The following UGT8 variants were observed in gnomAD, a reference collection of about 807,000 sequenced individuals.
UGT8 encodes the protein UDP glycosyltransferase 8.
A neutral mutation model predicts 40.5 loss-of-function variants in UGT8; 12 were observed. The observed-to-expected ratio is 0.30, with a 90% confidence interval of 0.19 to 0.48. The LOEUF (loss-of-function observed/expected upper bound fraction) is 0.48, where lower values mean the gene tolerates loss of function less well. Among genes scored for constraint, UGT8 ranks in the 20% least tolerant of loss-of-function variants. The probability of loss-of-function intolerance (pLI) is 0.99; values close to 1 mark genes in which losing one functional copy is unlikely to be tolerated. For missense variants in UGT8, 513 were observed against 648.7 expected (o/e 0.79, Z 2.27); for synonymous variants, 224 against 240.4 (o/e 0.93, Z 0.63).
At chr4:114,622,526 A>G (rs1027491109) in intron 1 of UGT8, 1 of 196,182 alleles carries the variant, frequency 5.1e-6, no homozygotes, top group Non-Finnish European at 1.0e-5. Context: ...GACTTGCACA[A>G]TGGTTGAACT....
At chr4:114,632,932 C>T (rs191109277) in intron 2 of UGT8, among the ~76,000 whole-genome samples, 1 of 152,280 alleles carries the variant, frequency 6.6e-6, no homozygotes, top group Admixed American at 6.5e-5. Flanking sequence ...CAGTGAAAAG[C>T]AACTTAATTG....
chr4:114,627,228 G>A lies in UGT8; in HGVS notation c.822+3526G>A, dbSNP rs1034391280. Among the ~76,000 whole-genome samples the A allele has an allele frequency of 2.9e-4, 43 of 150,148 alleles. 1 individual carries two copies. Among genetic ancestry groups the A allele is most frequent in the African/African-American group, 1.0e-3 (41 of 40,900 alleles). On this transcript the variant is annotated intron_variant, in intron 2 of 5. Coordinates refer to ENST00000310836, the MANE Select transcript of UGT8 (RefSeq NM_001128174.3). The stretch of plus-strand genomic sequence containing the variant: ...AATGCTTTGATCAAGAAGGAGGTCT[G>A]TAGACAGGTCCCTATTTGAATAGAT...
chr4:114,603,274 T>C, intron 1 of UGT8, among the ~76,000 whole-genome samples: 1 of 152,194 alleles, frequency 6.6e-6, no homozygotes, highest in Non-Finnish European at 1.5e-5. Context: ...TGAATCATTG[T>C]ATGTGAGTTC....
At chr4:114,616,869 TCAAA>T (rs910191229) in intron 1 of UGT8, among the ~76,000 whole-genome samples, 2 of 152,178 alleles carry the variant, frequency 1.3e-5, no homozygotes, top group African/African-American at 4.8e-5. Context: ...TGTTCCTGTA[TCAAA>T]TTTCAGCATA....
chr4:114,649,469 A>C (rs1462963335), intron 2 of UGT8, among the ~76,000 whole-genome samples: 3 of 152,202 alleles, frequency 2.0e-5, no homozygotes, highest in African/African-American at 7.2e-5. Flanking sequence ...ACATAAAGGA[A>C]GTTCTGAGAT....
chr4:114,630,748 C>A (rs946788762), intron 2 of UGT8, among the ~76,000 whole-genome samples: 1 of 151,642 alleles, frequency 6.6e-6, no homozygotes, highest in African/African-American at 2.4e-5. Flanking sequence ...AAGAAATGAA[C>A]AGAAATTGAT....
At chr4:114,629,258 A>G (rs541547067) in intron 2 of UGT8, among the ~76,000 whole-genome samples, 2 of 152,286 alleles carry the variant, frequency 1.3e-5, no homozygotes, top group Non-Finnish European at 2.9e-5. Flanking sequence ...AAAATTGAGG[A>G]TGACAATGTT....
intron 2 of UGT8, among the ~76,000 whole-genome samples, chr4:114,655,928 T>G (rs552133883): frequency 6.6e-6 from 1 of 152,240 alleles, no homozygotes; most frequent in African/African-American, 2.4e-5. Context: ...CTCATTGTTT[T>G]GATGTTGTTG....
At chr4:114,619,817 T>G (rs1484294202) in intron 1 of UGT8, among the ~76,000 whole-genome samples, 7 of 151,964 alleles carry the variant, frequency 4.6e-5, no homozygotes, top group African/African-American at 1.7e-4. Flanking sequence ...ATATCTATTA[T>G]GTATGTTGCA....
chr4:114,614,994 A>G (rs1560670346), intron 1 of UGT8, among the ~76,000 whole-genome samples: 1 of 152,132 alleles, frequency 6.6e-6, no homozygotes, highest in Non-Finnish European at 1.5e-5. Flanking sequence ...ACTTGCTAAT[A>G]GCCACCATAA....
intron 2 of UGT8, among the ~76,000 whole-genome samples, chr4:114,635,499 A>G (rs1276126643): frequency 6.6e-6 from 1 of 152,232 alleles, no homozygotes; most frequent in Non-Finnish European, 1.5e-5. Context: ...TTTGAAATGC[A>G]TCAAGCCATA....
At chr4:114,611,983 T>C (rs992680303) in intron 1 of UGT8, among the ~76,000 whole-genome samples, 3 of 152,148 alleles carry the variant, frequency 2.0e-5, no homozygotes, top group Admixed American at 6.5e-5. Context: ...TGATGCCTGC[T>C]GAAGTTTGAG....
intron 1 of UGT8, among the ~76,000 whole-genome samples, chr4:114,606,665 G>A (rs1349662334): frequency 1.3e-5 from 2 of 152,174 alleles, no homozygotes; most frequent in African/African-American, 4.8e-5. Context: ...GTAGACATTT[G>A]TGAGAATGTA....
intron 1 of UGT8, among the ~76,000 whole-genome samples, chr4:114,611,924 A>T (rs745872002): frequency 3.3e-5 from 5 of 152,138 alleles, no homozygotes; most frequent in Non-Finnish European, 7.4e-5. Context: ...ATCAGAAACC[A>T]TGAGGGCAGG....
intron 1 of UGT8, 39 bp downstream of exon 1, chr4:114,599,013 G>T (rs11732517): frequency 2.7e-4 from 41 of 149,950 alleles, no homozygotes; most frequent in African/African-American, 8.6e-4. Context: ...GGGCGGAAGG[G>T]GGGGCGGTCT....
At chr4:114,631,701 A>G (rs1397070644) in intron 2 of UGT8, among the ~76,000 whole-genome samples, 2 of 152,190 alleles carry the variant, frequency 1.3e-5, no homozygotes, top group East Asian at 3.9e-4. Flanking sequence ...ACCAGCCACT[A>G]TTTGAGAACC....
chr4:114,618,897 C>T (rs918673677), intron 1 of UGT8, among the ~76,000 whole-genome samples: 1 of 152,032 alleles, frequency 6.6e-6, no homozygotes, highest in Admixed American at 6.6e-5. Context: ...TGTGGTACTT[C>T]CTTCGTCATC....
At chr4:114,664,357 A>T (rs542937085) in intron 3 of UGT8, among the ~76,000 whole-genome samples, 4 of 152,322 alleles carry the variant, frequency 2.6e-5, no homozygotes, top group African/African-American at 9.6e-5. Context: ...CAGAAAGAAG[A>T]TATGATTCAG....
Position 114,668,133 on chromosome 4 carries a change from T to G in UGT8, c.1091T>G (p.Ile364Ser). The change falls in exon 5 of 6, where the codon ATT (isoleucine) becomes AGT (serine). Residue 364 changes from isoleucine (I) to serine (S), a missense_variant. Transcript: ENST00000310836. ...AFLSHGGLNS[I>S]FETIYHGVPV... ...CTGAGCCATGGTGGTTTGAACAGTA[T>G]TTTTGAAACTATATATCATGGTGTG... The G allele has an allele frequency of 6.2e-7, 1 of 1,613,868 alleles. No individual in the cohort carries two copies. Among genetic ancestry groups the G allele is most frequent in the Non-Finnish European group, 8.5e-7 (1 of 1,179,782 alleles).
Sources: allele counts gnomAD v4.1 joint callset (sites outside exome capture counted in the v4.1 genomes callset), GRCh38; gene constraint gnomAD v4.1.1; transcripts MANE v1.5; gene names NCBI Gene and HGNC (gene_info 2026-07-23, HGNC 2026-07-21).